Variants in LRFN5 observed in about 807,000 individuals in gnomAD.
The protein encoded by LRFN5 is leucine rich repeat and fibronectin type III domain containing 5.
A neutral mutation model predicts 45.6 loss-of-function variants in LRFN5; 24 were observed. The observed-to-expected ratio is 0.53, with a 90% confidence interval of 0.38 to 0.74. LRFN5 has a LOEUF of 0.74. LRFN5 is among the 30% of genes least tolerant of loss of function. The pLI, the probability that LRFN5 is intolerant of heterozygous loss-of-function variation, is 0.00. For missense variants in LRFN5, 776 were observed against 861.5 expected, an observed-to-expected ratio of 0.90 and a Z score of 1.24; for synonymous variants, 340 against 313.8, an observed-to-expected ratio of 1.08 and a Z score of -0.88.
At position 41,674,217 on chromosome 14, in the gene LRFN5, C is replaced by G. The variant is rs1194806499; in HGVS notation, c.-197+65655C>G. On this transcript the variant is annotated intron_variant, in intron 1 of 5. Transcript: ENST00000298119. ...GGGCGGGGGGCTGACCCCCCCACCT[C>G]CCTCCCGGACGGGGCGGCTGGCCGG... Among the ~76,000 whole-genome samples the G allele has an allele frequency of 2.2e-5, 3 of 138,364 alleles. No homozygotes were observed. In the South Asian group the frequency reaches 7.3e-4, roughly 34 times the overall value. 90.8% of individuals were successfully genotyped at this position (138,364 alleles called of 152,430 possible). A position where few individuals can be genotyped will look rare whatever the true frequency, so the allele number is the denominator to read the frequency against.
chr14:41,647,479 T>C (rs1879871705), intron 1 of LRFN5, among the ~76,000 whole-genome samples: 1 of 152,164 alleles, frequency 6.6e-6, no homozygotes, highest in Non-Finnish European at 1.5e-5. Context: ...CAGGAGATTT[T>C]TGCAGTGGGC....
intron 1 of LRFN5, among the ~76,000 whole-genome samples, chr14:41,681,901 C>G (rs1449430724): frequency 6.6e-6 from 1 of 151,290 alleles, no homozygotes; most frequent in Non-Finnish European, 1.5e-5. Context: ...TCTCTGTAAC[C>G]TCTGCCTCCC....
intron 1 of LRFN5, among the ~76,000 whole-genome samples, chr14:41,756,383 C>A (rs1885383077): frequency 6.6e-6 from 1 of 152,216 alleles, no homozygotes; most frequent in Non-Finnish European, 1.5e-5. Flanking sequence ...TCCATTCTCC[C>A]CGTCATTTTT....
Position 41,877,545 on chromosome 14 carries a change from TGTAA to T in LRFN5, c.-20-9056_-20-9053del, listed in dbSNP as rs199554321. Among the ~76,000 whole-genome samples, 1,502 of 152,220 alleles carry T rather than the reference TGTAA, an allele frequency of 9.9e-3. 24 individuals are homozygous for T. The highest frequency in any genetic ancestry group is 0.034 in the African/African-American group (1,429 of 41,530). On this transcript the variant is annotated intron_variant, in intron 2 of 5. Coordinates refer to ENST00000298119, the MANE Select transcript of LRFN5 (RefSeq NM_152447.5). Reference sequence around the variant, plus strand: ...ATTATTTTTAAAATTATTTGTTTTGTGTAAGTAATTGGTGTCTTATCTGTAGCTA... The same window carrying T: ...ATTATTTTTAAAATTATTTGTTTTGTGTAATTGGTGTCTTATCTGTAGCTA...
intron 2 of LRFN5, among the ~76,000 whole-genome samples, chr14:41,796,729 T>G (rs1156550488): frequency 3.3e-5 from 5 of 151,924 alleles, no homozygotes; most frequent in African/African-American, 7.2e-5. Flanking sequence ...CTTATTGCTC[T>G]ATTTAACAAC....
rs551756886 is a variant in LRFN5, at chr14:41,786,519, G to A, written c.-21+19490G>A. 2.1e-5 allele frequency among the ~76,000 whole-genome samples: 3 copies of A among 140,536 alleles called. No individual in the cohort carries two copies. The East Asian group carries it at 6.7e-4, about 31-fold the overall frequency. The allele number at this position is 140,536 out of a possible 152,430, so 92.2% of individuals were successfully genotyped here. On this transcript the variant is annotated intron_variant, in intron 2 of 5. Transcript: ENST00000298119. Reference sequence around the variant, plus strand: ...ATGTAGTGTATGTGTTTTTCTAGCTGTATTTGAATTTTCCTCTTTATGAGT... The same window carrying A: ...ATGTAGTGTATGTGTTTTTCTAGCTATATTTGAATTTTCCTCTTTATGAGT...
At chr14:41,882,545 T>C (rs1269770694) in intron 2 of LRFN5, among the ~76,000 whole-genome samples, 2 of 152,150 alleles carry the variant, frequency 1.3e-5, no homozygotes, top group Non-Finnish European at 2.9e-5. Flanking sequence ...TTTTTTCTCG[T>C]CTGAAAATAA....
At position 41,693,053 on chromosome 14, in the gene LRFN5, G is replaced by A. The variant is rs117888353; in HGVS notation, c.-196-73801G>A. Among the ~76,000 whole-genome samples, 124 of 152,010 alleles carry A rather than the reference G, an allele frequency of 8.2e-4. 3 individuals are homozygous for A. In the East Asian group the frequency reaches 0.023, roughly 29 times the overall value. On this transcript the variant is annotated intron_variant, in intron 1 of 5. Coordinates refer to ENST00000298119, the MANE Select transcript of LRFN5 (RefSeq NM_152447.5). ...AAGTATCAATTAACTATATGTGTGT[G>A]CATTTATTTGTGGACTTCATTTCCT...
chr14:41,875,952 T>C (rs1890170689), intron 2 of LRFN5, among the ~76,000 whole-genome samples: 1 of 152,140 alleles, frequency 6.6e-6, no homozygotes, highest in Non-Finnish European at 1.5e-5. Flanking sequence ...CACAAATTGC[T>C]CATGAGGAAA....
chr14:41,628,215 T>G (rs1167671976), intron 1 of LRFN5, among the ~76,000 whole-genome samples: 1 of 152,200 alleles, frequency 6.6e-6, no homozygotes, highest in Non-Finnish European at 1.5e-5. Flanking sequence ...TTCTTAACAA[T>G]ATCTTGCCTT....
At chr14:41,632,118 T>C (rs1217982763) in intron 1 of LRFN5, among the ~76,000 whole-genome samples, 2 of 151,080 alleles carry the variant, frequency 1.3e-5, no homozygotes, top group East Asian at 3.9e-4. Context: ...GAAACTATCA[T>C]AAAATAAGGA....
chr14:41,725,649 A>G (rs1223644022), intron 1 of LRFN5, among the ~76,000 whole-genome samples: 5 of 152,202 alleles, frequency 3.3e-5, no homozygotes, highest in Admixed American at 6.5e-5. Context: ...AATATTTGCC[A>G]GAATTACTGT....
At chr14:41,771,985 C>T (rs988964599) in intron 2 of LRFN5, among the ~76,000 whole-genome samples, 1 of 152,126 alleles carries the variant, frequency 6.6e-6, no homozygotes, top group Non-Finnish European at 1.5e-5. Context: ...TTAATTGGCT[C>T]ATTATTCTCT....
At chr14:41,711,907 T>A (rs1883300621) in intron 1 of LRFN5, among the ~76,000 whole-genome samples, 1 of 152,158 alleles carries the variant, frequency 6.6e-6, no homozygotes, top group Admixed American at 6.5e-5. Context: ...TATATATGAA[T>A]CAAAATGATG....
At chr14:41,800,272 T>C (rs1050642954) in intron 2 of LRFN5, among the ~76,000 whole-genome samples, 3 of 151,878 alleles carry the variant, frequency 2.0e-5, no homozygotes, top group Admixed American at 6.6e-5. Context: ...CTTAAAATAC[T>C]GATCACAGAT....
At position 41,891,714 on chromosome 14, in the gene LRFN5, G is replaced by A. The variant is rs763861491; in HGVS notation, c.1850G>A (p.Cys617Tyr). The A allele has an allele frequency of 3.7e-6, 6 of 1,614,178 alleles. No homozygotes were observed. Among genetic ancestry groups the A allele is most frequent in the Non-Finnish European group, 5.1e-6 (6 of 1,180,036 alleles). The part of the protein sequence containing the change: ...SDNVIQSSET[C>Y]SSQDSSTTTS... ...AATGTGATTCAATCTTCAGAAACTT[G>A]TTCGAGTCAGGACTCCTCTACCACT... Residue 617 changes from cysteine (C) to tyrosine (Y), a missense_variant, in exon 4 of 6, where the codon TGT becomes TAT. Transcript: ENST00000298119.
chr14:41,800,083 C>T (rs1887272925), intron 2 of LRFN5, among the ~76,000 whole-genome samples: 1 of 152,026 alleles, frequency 6.6e-6, no homozygotes, highest in African/African-American at 2.4e-5. Context: ...ATATAATTGA[C>T]ATCAGCTAAT....
At chr14:41,892,321 ATATG>A in intron 4 of LRFN5, 1 of 962,064 alleles carries the variant, frequency 1.0e-6, no homozygotes, top group African/African-American at 1.8e-5. Context: ...ATAACTATAT[ATATG>A]TATGTATGTA....
chr14:41,850,512 G>A (rs544742364), intron 2 of LRFN5, among the ~76,000 whole-genome samples: 146 of 151,864 alleles, frequency 9.6e-4, no homozygotes, highest in African/African-American at 3.4e-3. Context: ...AAATATCATA[G>A]AACTGTGAAT....
Sources: gnomAD v4.1 joint callset for allele counts (sites outside exome capture counted in the v4.1 genomes callset) on GRCh38, gnomAD v4.1.1 for gene constraint, MANE v1.5 for transcripts, NCBI Gene and HGNC (gene_info 2026-07-23, HGNC 2026-07-21) for gene names.